Variants in TRHDE observed in about 807,000 individuals in gnomAD.
The protein encoded by TRHDE is thyrotropin releasing hormone degrading enzyme, also known as thyrotropin-releasing hormone-degrading ectoenzyme.
Under a neutral mutation model 125.7 loss-of-function variants are expected in TRHDE, and 72 were observed. That is an observed-to-expected ratio of 0.57 (90% CI 0.47 to 0.70). The LOEUF is 0.70. TRHDE is among the 30% of genes least tolerant of loss of function. TRHDE has a pLI of 0.00. For missense variants in TRHDE, 1,110 were observed against 1,327.1 expected, an observed-to-expected ratio of 0.84 and a Z score of 2.54; for synonymous variants, 509 against 509.1, an observed-to-expected ratio of 1.00 and a Z score of 0.00.
intron 12 of TRHDE, among the ~76,000 whole-genome samples, chr12:72,601,527 G>A (rs890325169): frequency 1.1e-4 from 17 of 152,092 alleles, no homozygotes; most frequent in African/African-American, 3.9e-4. Context: ...TCTACTGTGG[G>A]TAAAATGTGA....
chr12:72,612,973 C>A (rs1872687645), intron 12 of TRHDE, among the ~76,000 whole-genome samples: 2 of 152,154 alleles, frequency 1.3e-5, no homozygotes, highest in South Asian at 4.2e-4. Flanking sequence ...ATGCTGGATG[C>A]AATGATGGTG....
chr12:72,260,307 G>A (rs1878920040), intron 2 of TRHDE, among the ~76,000 whole-genome samples: 1 of 152,068 alleles, frequency 6.6e-6, no homozygotes, highest in African/African-American at 2.4e-5. Context: ...AAGCTGAGAG[G>A]ATCACACACT....
At chr12:72,334,689 C>T (rs1869752339) in intron 2 of TRHDE, among the ~76,000 whole-genome samples, 1 of 152,196 alleles carries the variant, frequency 6.6e-6, no homozygotes, top group South Asian at 2.1e-4. Context: ...GGAGCCTGAC[C>T]TTGTGTTCAC....
At chr12:72,305,131 T>C (rs1415182344) in intron 2 of TRHDE, among the ~76,000 whole-genome samples, 1 of 152,198 alleles carries the variant, frequency 6.6e-6, no homozygotes, top group Non-Finnish European at 1.5e-5. Context: ...TGGGAAATAG[T>C]TACATGTGTG....
chr12:72,473,575 A>G (rs921461852), intron 5 of TRHDE, among the ~76,000 whole-genome samples: 4 of 152,150 alleles, frequency 2.6e-5, no homozygotes, highest in Admixed American at 2.6e-4. Flanking sequence ...AAAAATACCT[A>G]AAAGATACGA....
chr12:72,173,780 T>TGC (rs1300732931), intron 2 of TRHDE, among the ~76,000 whole-genome samples: 5 of 152,162 alleles, frequency 3.3e-5, no homozygotes, highest in Non-Finnish European at 5.9e-5. Flanking sequence ...TCTCTTGCTC[T>TGC]GCGCGCGCAC....
At chr12:72,643,307 T>C (rs1372553309) in intron 15 of TRHDE, among the ~76,000 whole-genome samples, 5 of 152,324 alleles carry the variant, frequency 3.3e-5, no homozygotes, top group Non-Finnish European at 7.3e-5. Flanking sequence ...ATGCTTTAAG[T>C]TGTATATGTA....
At chr12:72,399,904 A>C (rs973334611) in intron 3 of TRHDE, among the ~76,000 whole-genome samples, 1 of 152,182 alleles carries the variant, frequency 6.6e-6, no homozygotes, top group Non-Finnish European at 1.5e-5. Context: ...TTTAAAATGT[A>C]GATGAATAAG....
intron 2 of TRHDE, among the ~76,000 whole-genome samples, chr12:72,295,279 G>T (rs758759322): frequency 6.6e-6 from 1 of 152,054 alleles, no homozygotes; most frequent in Non-Finnish European, 1.5e-5. Flanking sequence ...AAGGGGCAGG[G>T]CTCCTGCTTG....
chr12:72,145,515 A>G (rs1004021475), intron 2 of TRHDE, among the ~76,000 whole-genome samples: 11 of 152,164 alleles, frequency 7.2e-5, no homozygotes, highest in African/African-American at 1.9e-4. Flanking sequence ...TTTTCTTAGG[A>G]TATGTCTCTT....
intron 2 of TRHDE, among the ~76,000 whole-genome samples, chr12:72,188,639 T>G (rs557993091): frequency 5.1e-4 from 78 of 152,330 alleles, no homozygotes; most frequent in Middle Eastern, 6.8e-3. Flanking sequence ...CTCCTGCTGA[T>G]GTTGCTGTGT....
At position 72,273,039 on chromosome 12, in the gene TRHDE, C is replaced by T. The variant is rs768763758; in HGVS notation, c.396C>T (p.Gly132=). 5 of 1,536,660 alleles carry T rather than the reference C, an allele frequency of 3.3e-6. No individual in the cohort carries two copies. The highest frequency in any genetic ancestry group is 3.5e-6 in the Non-Finnish European group (4 of 1,146,690). ...DGGPSGFPER[G]GNGSLPGSAR... is the part of the protein sequence containing the mutation. ...GCCCCTCAGGCTTTCCGGAGCGCGG[C>T]GGCAACGGGAGCCTCCCTGGATCGG... Residue 132 remains glycine (G), a synonymous_variant, in exon 1 of 19, where the codon GGC becomes GGT. Coordinates refer to ENST00000261180, the MANE Select transcript of TRHDE (RefSeq NM_013381.3). The surrounding 1 kb of genome is among the most constrained non-coding windows in gnomAD (Gnocchi z 5.3).
chr12:72,646,179 C>T (rs1874272225), intron 15 of TRHDE, among the ~76,000 whole-genome samples: 1 of 151,882 alleles, frequency 6.6e-6, no homozygotes, highest in Non-Finnish European at 1.5e-5. Context: ...AAAAGGTACA[C>T]AATATGAATA....
intron 2 of TRHDE, among the ~76,000 whole-genome samples, chr12:72,297,524 C>T (rs1880346823): frequency 6.6e-6 from 1 of 152,128 alleles, no homozygotes; most frequent in Non-Finnish European, 1.5e-5. Flanking sequence ...AGAGGTGATC[C>T]TGAACAGGTT....
intron 2 of TRHDE, among the ~76,000 whole-genome samples, chr12:72,164,177 AG>A (rs1876694502): frequency 6.6e-6 from 1 of 152,192 alleles, no homozygotes; most frequent in Non-Finnish European, 1.5e-5. Flanking sequence ...TGATGAGGGT[AG>A]TTTTTTTGAC....
At position 72,273,387 on chromosome 12, in the gene TRHDE, C is replaced by T; in HGVS notation, c.744C>T (p.Val248=). ...QLAEDRAFGA[V]PVAGFFLYPQ... is the part of the protein sequence containing the mutation. ...CCGAGGACCGGGCGTTCGGGGCTGTCCCTGTAGCCGGTTTTTTCCTCTACC... is the reference window on the plus strand; with the variant it reads ...CCGAGGACCGGGCGTTCGGGGCTGTTCCTGTAGCCGGTTTTTTCCTCTACC... Residue 248 remains valine, a synonymous_variant, in exon 1 of 19, where the codon GTC becomes GTT. Coordinates refer to ENST00000261180, the MANE Select transcript of TRHDE (RefSeq NM_013381.3). This position sits in a 1 kb window ranked among gnomAD's most constrained non-coding sequence, Gnocchi z 5.3. 6.2e-7 allele frequency: 1 copy of T among 1,614,154 alleles called. No homozygotes were observed. Among genetic ancestry groups the T allele is most frequent in the Non-Finnish European group, 8.5e-7 (1 of 1,180,032 alleles).
chr12:72,320,496 T>A (rs971879819), intron 2 of TRHDE, among the ~76,000 whole-genome samples: 6 of 151,804 alleles, frequency 4.0e-5, no homozygotes, highest in African/African-American at 1.5e-4. Flanking sequence ...TTTTATTTGC[T>A]GTTGGTTGAA....
intron 2 of TRHDE, among the ~76,000 whole-genome samples, chr12:72,376,167 A>G (rs1871871998): frequency 6.6e-6 from 1 of 152,200 alleles, no homozygotes; most frequent in African/African-American, 2.4e-5. Flanking sequence ...GTGTGAACTC[A>G]CCAGCGTAAT....
chr12:72,090,152 T>C (rs1465544231), intron 1 of TRHDE, among the ~76,000 whole-genome samples: 4 of 152,180 alleles, frequency 2.6e-5, no homozygotes, highest in East Asian at 1.9e-4. Flanking sequence ...AGTATGCTAT[T>C]GTTTTCTCTG....
Sources: allele counts gnomAD v4.1 joint callset (sites outside exome capture counted in the v4.1 genomes callset), GRCh38; gene constraint gnomAD v4.1.1; non-coding constraint Gnocchi (gnomAD v3.1); transcripts MANE v1.5; gene names NCBI Gene and HGNC (gene_info 2026-07-23, HGNC 2026-07-21).